The following PCDHGB7 variants were observed in gnomAD, a reference collection of about 807,000 sequenced individuals.
PCDHGB7 encodes protocadherin gamma-B7.
PCDHGB7 carries 37 observed loss-of-function variants against 61.4 expected under a neutral mutation model. That is an observed-to-expected ratio of 0.60 (90% confidence interval 0.46 to 0.79). The LOEUF is 0.79. PCDHGB7 is among the 30% of genes least tolerant of loss of function. PCDHGB7 has a pLI of 0.00. For missense variants in PCDHGB7, 1,166 were observed against 1,202.5 expected, an observed-to-expected ratio of 0.97 and a Z score of 0.45; for synonymous variants, 464 against 503.5, an observed-to-expected ratio of 0.92 and a Z score of 1.05.
Position 141,485,875 on chromosome 5 carries a change from C to T in PCDHGB7, c.2416-8932C>T, listed in dbSNP as rs1254918181. The T allele has an allele frequency of 1.9e-6, 3 of 1,614,150 alleles. No homozygotes were observed. The highest frequency in any genetic ancestry group is 2.2e-5 in the East Asian group (1 of 44,862). On this transcript the variant is annotated intron_variant, in intron 1 of 3. Transcript: ENST00000398594. This position sits in a 1 kb window ranked among gnomAD's most constrained non-coding sequence, Gnocchi z 5.7. ...CAGAGCTCCGGGTATCCGTGCTGGACGTAAACGACAACGCCCCAGCCTTCC... is the reference window on the plus strand; with the variant it reads ...CAGAGCTCCGGGTATCCGTGCTGGATGTAAACGACAACGCCCCAGCCTTCC...
Position 141,418,165 on chromosome 5 carries a change from T to G in PCDHGB7, c.306T>G (p.Cys102Trp), listed in dbSNP as rs1296752918. 1 of 1,614,034 alleles carries G rather than the reference T, an allele frequency of 6.2e-7. No homozygotes were observed. ...REQICKERRR[C>W]ELQLEAVVEN... is the part of the protein sequence containing the mutation. ...AAATATGCAAAGAGAGAAGAAGATG[T>G]GAGTTGCAATTGGAAGCTGTGGTGG... The change falls in exon 1 of 4, where the codon TGT becomes TGG. Residue 102 changes from cysteine (C) to tryptophan (W), a missense_variant. Transcript: ENST00000398594.
chr5:141,445,786 C>A (rs1189294394), intron 1 of PCDHGB7, among the ~76,000 whole-genome samples: 2 of 152,018 alleles, frequency 1.3e-5, no homozygotes, highest in Non-Finnish European at 2.9e-5. Flanking sequence ...GCTAGGGAGG[C>A]TAGAAACAGA....
chr5:141,458,496 A>T (rs905073741), intron 1 of PCDHGB7, among the ~76,000 whole-genome samples: 1 of 151,694 alleles, frequency 6.6e-6, no homozygotes, highest in Non-Finnish European at 1.5e-5. Flanking sequence ...CTGCCTGTAC[A>T]TACTGTTTGA....
In PCDHGB7 at chr5:141,477,446, C is replaced by A; in HGVS notation, c.2416-17361C>A. 1 of 1,614,196 alleles carries A rather than the reference C, an allele frequency of 6.2e-7. No homozygotes were observed. The highest frequency in any genetic ancestry group is 8.5e-7 in the Non-Finnish European group (1 of 1,180,022). The stretch of plus-strand genomic sequence containing the variant: ...TTCCCTCTCAGCCCTTACAATAGTG[C>A]GTGTTCAAGTGTCCGACATCAATGA... On this transcript the variant is annotated intron_variant, in intron 1 of 3. Transcript: ENST00000398594. The surrounding 1 kb of genome is among the most constrained non-coding windows in gnomAD (Gnocchi z 4.9).
intron 1 of PCDHGB7, among the ~76,000 whole-genome samples, chr5:141,434,848 C>T (rs1224972794): frequency 6.6e-6 from 1 of 151,786 alleles, no homozygotes; most frequent in Non-Finnish European, 1.5e-5. Context: ...AAGCAGACAT[C>T]AATAAATTTA....
At chr5:141,448,893 C>G (rs957997508) in intron 1 of PCDHGB7, among the ~76,000 whole-genome samples, 2 of 151,948 alleles carry the variant, frequency 1.3e-5, no homozygotes, top group Non-Finnish European at 2.9e-5. Flanking sequence ...TGCAGTGAGC[C>G]GAGATCGTGC....
rs993605209 is a variant in PCDHGB7 at position 141,419,098 on chromosome 5, G to A, written c.1239G>A (p.Glu413=). ...KLVTDEALDR[E]QTPEYNVTIA... is the part of the protein sequence containing the mutation. Reference sequence around the variant, plus strand: ...TAACAGATGAGGCCCTGGATCGGGAGCAGACCCCAGAGTACAACGTCACCA... The same window carrying A: ...TAACAGATGAGGCCCTGGATCGGGAACAGACCCCAGAGTACAACGTCACCA... Residue 413 remains glutamate, a synonymous_variant, in exon 1 of 4, where the codon GAG becomes GAA. Transcript: ENST00000398594. 14 of 1,613,812 alleles carry A rather than the reference G, an allele frequency of 8.7e-6. No individual in the cohort carries two copies. Among genetic ancestry groups the A allele is most frequent in the African/African-American group, 2.7e-5 (2 of 74,936 alleles).
chr5:141,485,124 C>T lies in PCDHGB7; in HGVS notation c.2416-9683C>T. The T allele has an allele frequency of 7.2e-7, 1 of 1,390,146 alleles. No individual in the cohort carries two copies. The highest frequency in any genetic ancestry group is 1.0e-6 in the Non-Finnish European group (1 of 990,090). The allele number at this position is 1,390,146 out of a possible 1,614,324, so 86.1% of individuals were successfully genotyped here. ...GCTGCTGTGGCTGTTTGGGGCGGGT[C>T]GGCTTCATCCGCGTCTCAGGAGCAA... On this transcript the variant is annotated intron_variant, in intron 1 of 3. Coordinates refer to ENST00000398594, the MANE Select transcript of PCDHGB7 (RefSeq NM_018927.4). The surrounding 1 kb of genome is among the most constrained non-coding windows in gnomAD (Gnocchi z 5.7).
chr5:141,444,001 C>G (rs2098413288), intron 1 of PCDHGB7, among the ~76,000 whole-genome samples: 1 of 151,914 alleles, frequency 6.6e-6, no homozygotes, highest in Non-Finnish European at 1.5e-5. Flanking sequence ...TTAAATGCTA[C>G]CTGGGTATTG....
At chr5:141,499,548 A>G (rs1312910986) in intron 2 of PCDHGB7, among the ~76,000 whole-genome samples, 3 of 152,226 alleles carry the variant, frequency 2.0e-5, no homozygotes, top group African/African-American at 7.2e-5. Flanking sequence ...ATGAACCTGT[A>G]TGATACCACT....
At chr5:141,421,464 T>C in intron 1 of PCDHGB7, 1 of 1,614,090 alleles carries the variant, frequency 6.2e-7, no homozygotes, top group Non-Finnish European at 8.5e-7. Flanking sequence ...TCGCTGTGAA[T>C]CCGCGAAGCG....
intron 1 of PCDHGB7, chr5:141,468,354 GA>G (rs910554966): frequency 7.0e-6 from 1 of 143,440 alleles, no homozygotes. Context: ...AAAAAAGAAA[GA>G]AAAAAGAAAT....
Position 141,418,692 on chromosome 5 carries a change from C to T in PCDHGB7, c.833C>T (p.Thr278Ile). The change falls in exon 1 of 4, where the codon ACT becomes ATT. Residue 278 changes from threonine (T) to isoleucine (I), a missense_variant. By Grantham distance (89) the Thr-to-Ile change is moderately conservative (BLOSUM62 -1). Coordinates refer to ENST00000398594, the MANE Select transcript of PCDHGB7 (RefSeq NM_018927.4). The part of the protein sequence containing the change: ...DQDEGINSEI[T>I]YSFFGVADKA... ...GACGAGGGCATCAACTCAGAGATCA[C>T]TTATTCCTTCTTTGGTGTGGCTGAC... is the stretch of plus-strand genomic sequence containing the variant. 5 of 1,614,032 alleles carry T rather than the reference C, an allele frequency of 3.1e-6. No individual in the cohort carries two copies. Among genetic ancestry groups the T allele is most frequent in the Non-Finnish European group, 4.2e-6 (5 of 1,179,896 alleles).
chr5:141,458,104 A>G (rs969775517), intron 1 of PCDHGB7, among the ~76,000 whole-genome samples: 6 of 152,232 alleles, frequency 3.9e-5, no homozygotes, highest in Non-Finnish European at 8.8e-5. Flanking sequence ...ACTTACAGAT[A>G]GTCTCCAAAT....
At position 141,428,093 on chromosome 5, in the gene PCDHGB7, C is replaced by T. The variant is rs577985465; in HGVS notation, c.2415+7819C>T. On this transcript the variant is annotated intron_variant, in intron 1 of 3. Transcript: ENST00000398594. ...ATTCGGGACACAACGCTTGGCTGTC[C>T]TACCACGTGCTGCAGGCCATCGAGC... 2.4e-4 allele frequency: 380 copies of T among 1,608,880 alleles called. 2 individuals are homozygous for T. The South Asian group carries it at 4.0e-3, about 17-fold the overall frequency.
chr5:141,487,423 C>T lies in PCDHGB7; in HGVS notation c.2416-7384C>T. 1 of 1,614,158 alleles carries T rather than the reference C, an allele frequency of 6.2e-7. No homozygotes were observed. Among genetic ancestry groups the T allele is most frequent in the Non-Finnish European group, 8.5e-7 (1 of 1,180,012 alleles). On this transcript the variant is annotated intron_variant, in intron 1 of 3. Transcript: ENST00000398594. The surrounding 1 kb of genome is among the most constrained non-coding windows in gnomAD (Gnocchi z 5.0). ...GGCTTCCCCCTTCCAATGGGATCCTCCGAATCCAGCTAGGGTCAGATGACC... is the reference window on the plus strand; with the variant it reads ...GGCTTCCCCCTTCCAATGGGATCCTTCGAATCCAGCTAGGGTCAGATGACC...
chr5:141,422,616 C>T, intron 1 of PCDHGB7: 1 of 1,613,714 alleles, frequency 6.2e-7, no homozygotes. Flanking sequence ...CCTACATTCC[C>T]GAAAACAACC....
rs768024698 is a variant in PCDHGB7, at chr5:141,418,149, AAG to A, written c.296_297del (p.Arg99LysfsTer4). 6.2e-7 allele frequency: 1 copy of A among 1,613,982 alleles called. No homozygotes were observed. The highest frequency in any genetic ancestry group is 8.5e-7 in the Non-Finnish European group (1 of 1,179,910). On this transcript the variant is annotated frameshift_variant, in exon 1 of 4. Transcript: ENST00000398594. LOFTEE classifies it high-confidence loss of function. ...CGAATAGACCGTGAGCAAATATGCA[AAG>A]AGAGAAGAAGATGTGAGTTGCAATT...
chr5:141,472,979 T>TAAAA (rs2099307936), intron 1 of PCDHGB7, among the ~76,000 whole-genome samples: 1 of 21,094 alleles, frequency 4.7e-5, no homozygotes, highest in Non-Finnish European at 9.8e-5. Context: ...AGAGTGAAAC[T>TAAAA]CAAAAAAAAA....
Sources: gnomAD v4.1 joint callset for allele counts (sites outside exome capture counted in the v4.1 genomes callset) on GRCh38, gnomAD v4.1.1 for gene constraint, Gnocchi (gnomAD v3.1) non-coding constraint, MANE v1.5 for transcripts, NCBI Gene and HGNC (gene_info 2026-07-23, HGNC 2026-07-21) for gene names.